Variants in ZNF510 observed in about 807,000 individuals in gnomAD.
ZNF510 encodes zinc finger protein 510.
ZNF510 carries 15 observed loss-of-function variants against 18.1 expected under a neutral mutation model. The observed-to-expected ratio is 0.83, with a 90% CI of 0.55 to 1.28. The LOEUF (loss-of-function observed/expected upper bound fraction) is 1.28, where lower values mean the gene tolerates loss of function less well. ZNF510 is among the 50% of genes most tolerant of loss of function. The pLI is 0.00. For missense variants in ZNF510, 724 were observed against 791.8 expected, an observed-to-expected ratio of 0.91 and a Z score of 1.03; for synonymous variants, 261 against 266.4, an observed-to-expected ratio of 0.98 and a Z score of 0.20.
chr9:96,775,127 T>A (rs1005088294), intron 2 of ZNF510, among the ~76,000 whole-genome samples: 2 of 151,994 alleles, frequency 1.3e-5, no homozygotes, highest in East Asian at 3.9e-4. Context: ...CGGTGTGATC[T>A]CAGTTCACTG....
At chr9:96,769,933 T>A (rs1444820536) in intron 3 of ZNF510, among the ~76,000 whole-genome samples, 1 of 152,190 alleles carries the variant, frequency 6.6e-6, no homozygotes. Context: ...GTTTTAATGA[T>A]GTGGAGAAAG....
chr9:96,759,861 C>T lies in ZNF510; in HGVS notation c.969G>A (p.Val323=), dbSNP rs770224402. The part of the protein sequence containing the change: ...QCGKSFEKST[V]EEYNKLNMGI... ...CCATATTAAGTTTATTATATTCCTCCACAGTTGACTTCTCAAAGGATTTCC... is the reference window on the plus strand; with the variant it reads ...CCATATTAAGTTTATTATATTCCTCTACAGTTGACTTCTCAAAGGATTTCC... The change falls in exon 6 of 6, where the codon GTG becomes GTA. Residue 323 remains valine (V), a synonymous_variant. Transcript: ENST00000223428. 6.2e-7 allele frequency: 1 copy of T among 1,613,382 alleles called. No homozygotes were observed. The highest frequency in any genetic ancestry group is 2.2e-5 in the East Asian group (1 of 44,864).
intron 5 of ZNF510, among the ~76,000 whole-genome samples, chr9:96,761,307 A>G (rs1415379341): frequency 6.6e-6 from 1 of 152,186 alleles, no homozygotes; most frequent in Non-Finnish European, 1.5e-5. Flanking sequence ...AGAAAGTTCT[A>G]CTGTGAAAAT....
At chr9:96,777,281 A>T (rs753483630) in intron 1 of ZNF510, among the ~76,000 whole-genome samples, 5 of 152,140 alleles carry the variant, frequency 3.3e-5, no homozygotes, top group Non-Finnish European at 5.9e-5. Context: ...TTTTGGGGAC[A>T]ATCACTCAGT....
At chr9:96,767,784 G>T (rs1849507032) in intron 3 of ZNF510, among the ~76,000 whole-genome samples, 1 of 152,082 alleles carries the variant, frequency 6.6e-6, no homozygotes, top group African/African-American at 2.4e-5. Flanking sequence ...TAAATGTTTG[G>T]TGAATTCTAC....
chr9:96,777,774 G>A (rs1250121381), intron 1 of ZNF510: 1 of 152,228 alleles, frequency 6.6e-6, no homozygotes, highest in Non-Finnish European at 1.5e-5. Context: ...CCAGCACCGC[G>A]TTTTCCGACG....
chr9:96,754,834 G>A lies in ZNF510; in HGVS notation c.*3944C>T, dbSNP rs1849159710. 6.6e-6 allele frequency among the ~76,000 whole-genome samples: 1 copy of A among 152,202 alleles called. No individual in the cohort carries two copies. Among genetic ancestry groups the A allele is most frequent in the Non-Finnish European group, 1.5e-5 (1 of 68,040 alleles). Reference sequence around the variant, plus strand: ...AAGAGGGACTGCTTCATGTGTTTGAGATACACTGTGAATAAAACAGACAAA... The same window carrying A: ...AAGAGGGACTGCTTCATGTGTTTGAAATACACTGTGAATAAAACAGACAAA... On this transcript the variant is annotated 3_prime_UTR_variant, in exon 6 of 6. Coordinates refer to ENST00000223428, the MANE Select transcript of ZNF510 (RefSeq NM_014930.3).
At position 96,763,570 on chromosome 9, in the gene ZNF510, G is replaced by T. The variant is rs762541420; in HGVS notation, c.192C>A (p.Ala64=). 3 of 1,613,256 alleles carry T rather than the reference G, an allele frequency of 1.9e-6. No homozygotes were observed. The highest frequency in any genetic ancestry group is 2.5e-6 in the Non-Finnish European group (3 of 1,179,640). ...CTCTGTACAGATTCTTCTGAACAGG[G>T]GCCATTTGCTGCCACTCCTCCTGGG... The part of the protein sequence containing the change: ...EFTQEEWQQM[A]PVQKNLYRDV... Residue 64 remains alanine, a synonymous_variant, in exon 4 of 6, where the codon GCC becomes GCA. Coordinates refer to ENST00000223428, the MANE Select transcript of ZNF510 (RefSeq NM_014930.3).
chr9:96,777,745 G>A (rs1263753377), intron 1 of ZNF510: 1 of 152,102 alleles, frequency 6.6e-6, no homozygotes, highest in East Asian at 1.9e-4. Context: ...TACAATAAAC[G>A]CGCATTCCCC....
chr9:96,764,854 C>T (rs1025741536), intron 3 of ZNF510, among the ~76,000 whole-genome samples: 14 of 152,042 alleles, frequency 9.2e-5, no homozygotes, highest in African/African-American at 3.4e-4. Flanking sequence ...GTGGCTCATG[C>T]CTGTAATCCT....
At position 96,754,937 on chromosome 9, in the gene ZNF510, A is replaced by T. The variant is rs1849161361; in HGVS notation, c.*3841T>A. Among the ~76,000 whole-genome samples the T allele has an allele frequency of 6.6e-6, 1 of 152,250 alleles. No homozygotes were observed. Among genetic ancestry groups the T allele is most frequent in the African/African-American group, 2.4e-5 (1 of 41,460 alleles). Reference sequence around the variant, plus strand: ...GCAGACAGAAAATCAGCTCCTCCAGAGTCTCTAGATGAGGCATCCATCTGC... The same window carrying T: ...GCAGACAGAAAATCAGCTCCTCCAGTGTCTCTAGATGAGGCATCCATCTGC... On this transcript the variant is annotated 3_prime_UTR_variant, in exon 6 of 6. Transcript: ENST00000223428.
intron 5 of ZNF510, among the ~76,000 whole-genome samples, chr9:96,762,580 C>CCAAT (rs1186408432): frequency 8.6e-5 from 13 of 152,016 alleles, no homozygotes; most frequent in African/African-American, 2.4e-4. Context: ...GTTTATATTT[C>CCAAT]CAATCAATCA....
chr9:96,767,869 A>G (rs990719882), intron 3 of ZNF510, among the ~76,000 whole-genome samples: 1 of 152,160 alleles, frequency 6.6e-6, no homozygotes, highest in Non-Finnish European at 1.5e-5. Flanking sequence ...AACATTTCCT[A>G]ACTCATTCTA....
chr9:96,758,017 T>C lies in ZNF510; in HGVS notation c.*761A>G, dbSNP rs896738017. ...CTTCATCCCACTACTCAGAATCGGG[T>C]GCAGTTTAAAATGTAGGAATTGTTT... On this transcript the variant is annotated 3_prime_UTR_variant, in exon 6 of 6. Coordinates refer to ENST00000223428, the MANE Select transcript of ZNF510 (RefSeq NM_014930.3). The C allele has an allele frequency of 2.6e-5, 4 of 152,184 alleles. No individual in the cohort carries two copies. Among genetic ancestry groups the C allele is most frequent in the African/African-American group, 9.7e-5 (4 of 41,442 alleles). 9.4% of individuals were successfully genotyped at this position (152,184 alleles called of 1,614,324 possible). A position where few individuals can be genotyped will look rare whatever the true frequency, so the allele number is the denominator to read the frequency against.
At position 96,763,211 on chromosome 9, in the gene ZNF510, A is replaced by AC. The variant is rs769639457; in HGVS notation, c.258dup (p.Tyr87ValfsTer37). 3.1e-6 allele frequency: 5 copies of AC among 1,613,772 alleles called. No individual in the cohort carries two copies. The highest frequency in any genetic ancestry group is 3.4e-6 in the Non-Finnish European group (4 of 1,179,824). ...ATCACCTCTGGTTTGAAACAGCAGT[A>AC]CCCTGTTAATAAAACACAATCGAGG... On this transcript the variant is annotated frameshift_variant and splice_region_variant, in exon 5 of 6. Transcript: ENST00000223428. LOFTEE classifies it high-confidence loss of function.
rs1370783686 is a variant in ZNF510 at position 96,755,475 on chromosome 9, C to T, written c.*3303G>A. On this transcript the variant is annotated 3_prime_UTR_variant, in exon 6 of 6. Coordinates refer to ENST00000223428, the MANE Select transcript of ZNF510 (RefSeq NM_014930.3). The stretch of plus-strand genomic sequence containing the variant: ...TTCTCTCCAGGGGTAACCTTATGCT[C>T]TCCTATTGTCAATGCATTTTCTTGG... 6.6e-6 allele frequency among the ~76,000 whole-genome samples: 1 copy of T among 152,150 alleles called. No individual in the cohort carries two copies. Among genetic ancestry groups the T allele is most frequent in the Non-Finnish European group, 1.5e-5 (1 of 68,036 alleles).
intron 3 of ZNF510, among the ~76,000 whole-genome samples, chr9:96,763,980 C>T (rs201253012): frequency 1.3e-5 from 2 of 152,118 alleles, no homozygotes; most frequent in East Asian, 3.9e-4. Context: ...GCCTGTAGTC[C>T]CAGCTACTTG....
intron 2 of ZNF510, among the ~76,000 whole-genome samples, chr9:96,775,081 A>T: frequency 6.9e-6 from 1 of 144,838 alleles, no homozygotes; most frequent in African/African-American, 2.8e-5. Context: ...TTTTTTTGAG[A>T]CAGGATCTGG....
chr9:96,771,716 A>G (rs1234128219), intron 3 of ZNF510, among the ~76,000 whole-genome samples: 1 of 152,110 alleles, frequency 6.6e-6, no homozygotes, highest in South Asian at 2.1e-4. Context: ...TTAAAATCCA[A>G]AAGAATCCAC....
Sources: gnomAD v4.1 joint callset for allele counts (sites outside exome capture counted in the v4.1 genomes callset) on GRCh38, gnomAD v4.1.1 for gene constraint, MANE v1.5 for transcripts, NCBI Gene and HGNC (gene_info 2026-07-23, HGNC 2026-07-21) for gene names.